Variants in RERE observed in about 807,000 individuals in gnomAD.
RERE encodes the protein arginine-glutamic acid dipeptide repeats.
In RERE, 40 loss-of-function variants were observed where a neutral mutation model predicts 146.1. That is an observed-to-expected ratio of 0.27 (90% confidence interval 0.21 to 0.36). The LOEUF (loss-of-function observed/expected upper bound fraction) is 0.36. Ranked by LOEUF, RERE falls within the 10% of genes least tolerant of loss-of-function variation. RERE has a pLI of 1.00. For synonymous variants in RERE, 1,003 were observed against 866.0 expected (o/e 1.16, Z -2.78); for missense variants, 1,933 against 2,138.7 (o/e 0.90, Z 1.90).
chr1:8,617,393 A>G (rs1443939178), intron 3 of RERE, among the ~76,000 whole-genome samples: 1 of 151,412 alleles, frequency 6.6e-6, no homozygotes, highest in Non-Finnish European at 1.5e-5. Context: ...TAAAGAATTA[A>G]ACAAAATTAG....
At chr1:8,529,481 T>TA (rs1645613848) in intron 7 of RERE, among the ~76,000 whole-genome samples, 1 of 123,622 alleles carries the variant, frequency 8.1e-6, no homozygotes. Context: ...TTTTTTTTTT[T>TA]AGCAGAGACA....
intron 7 of RERE, among the ~76,000 whole-genome samples, chr1:8,523,774 G>A (rs1027190930): frequency 1.6e-4 from 24 of 152,132 alleles, no homozygotes; most frequent in African/African-American, 5.3e-4. Context: ...AATAGATGGC[G>A]GCATCCAAGC....
rs1283199846 is a variant in RERE, at chr1:8,361,074, C to G, written c.2433G>C (p.Pro811=). Reference sequence around the variant, plus strand: ...GATGCGGCGGGGGATGCGGTGAGGGCGGCCGCTGGGGGTGCAAGGCCGGTG... The same window carrying G: ...GATGCGGCGGGGGATGCGGTGAGGGGGGCCGCTGGGGGTGCAAGGCCGGTG... The part of the protein sequence containing the change: ...QQAPALHPQR[P]PSPHPPPHPS... Residue 811 remains proline (P), a synonymous_variant, in exon 18 of 23, where the codon CCG becomes CCC. Transcript: ENST00000400908. 13 of 1,436,548 alleles carry G rather than the reference C, an allele frequency of 9.0e-6. No individual in the cohort carries two copies. Among genetic ancestry groups the G allele is most frequent in the East Asian group, 2.5e-5 (1 of 39,426 alleles). 89.0% of individuals were successfully genotyped at this position (1,436,548 alleles called of 1,614,324 possible). A position where few individuals can be genotyped will look rare whatever the true frequency, so the allele number is the denominator to read the frequency against.
intron 2 of RERE, among the ~76,000 whole-genome samples, chr1:8,641,881 G>C (rs1401473020): frequency 1.3e-5 from 2 of 152,086 alleles, no homozygotes; most frequent in Non-Finnish European, 2.9e-5. Context: ...TTTGATAATG[G>C]AGACTTAGCA....
At chr1:8,407,943 A>C (rs1024806152) in intron 12 of RERE, among the ~76,000 whole-genome samples, 2 of 152,250 alleles carry the variant, frequency 1.3e-5, no homozygotes, top group African/African-American at 4.8e-5. Context: ...CAAAATCTCA[A>C]GACAAGTTGT....
intron 3 of RERE, 38 bp from the exon 4 acceptor site, chr1:8,614,724 G>GC: frequency 1.9e-6 from 3 of 1,569,686 alleles, no homozygotes; most frequent in South Asian, 1.2e-5. Flanking sequence ...CGTGCCCAAC[G>GC]CCCCATCATG....
intron 1 of RERE, among the ~76,000 whole-genome samples, chr1:8,801,043 G>A (rs1486602903): frequency 1.3e-5 from 2 of 152,134 alleles, no homozygotes; most frequent in Admixed American, 6.5e-5. Context: ...TGGAGTGCTT[G>A]AGTCCAGGAG....
intron 12 of RERE, among the ~76,000 whole-genome samples, chr1:8,412,308 T>C (rs918623130): frequency 4.6e-5 from 7 of 152,250 alleles, no homozygotes; most frequent in Admixed American, 1.3e-4. Flanking sequence ...GGTTCACTCA[T>C]ACAGCAAAGA....
chr1:8,783,238 G>C (rs1271506608), intron 1 of RERE, among the ~76,000 whole-genome samples: 1 of 152,062 alleles, frequency 6.6e-6, no homozygotes, highest in South Asian at 2.1e-4. Context: ...GGGAGGCTGA[G>C]GTAGAAGGAT....
At chr1:8,615,425 C>T (rs1415674926) in intron 3 of RERE, among the ~76,000 whole-genome samples, 3 of 152,000 alleles carry the variant, frequency 2.0e-5, no homozygotes, top group African/African-American at 7.2e-5. Flanking sequence ...CATTTAAAAA[C>T]CAGGAAAAAA....
At chr1:8,616,045 T>C (rs1412964863) in intron 3 of RERE, among the ~76,000 whole-genome samples, 2 of 152,086 alleles carry the variant, frequency 1.3e-5, no homozygotes, top group South Asian at 2.1e-4. Flanking sequence ...AACTCCAAAT[T>C]AAAGATTCAA....
intron 1 of RERE, among the ~76,000 whole-genome samples, chr1:8,717,897 T>C (rs540579496): frequency 3.3e-5 from 5 of 152,312 alleles, no homozygotes; most frequent in Admixed American, 2.0e-4. Flanking sequence ...CAAGTGGTGA[T>C]TGAAGAGTCA....
intron 7 of RERE, among the ~76,000 whole-genome samples, chr1:8,535,490 G>A (rs1331469793): frequency 6.6e-6 from 1 of 152,176 alleles, no homozygotes; most frequent in East Asian, 1.9e-4. Context: ...GCTTCAGGGT[G>A]ACAACATACT....
intron 1 of RERE, among the ~76,000 whole-genome samples, chr1:8,705,739 T>C (rs1639544862): frequency 6.6e-6 from 1 of 152,210 alleles, no homozygotes; most frequent in Admixed American, 6.5e-5. Context: ...TCAACAACAC[T>C]GCTTTACTCA....
intron 11 of RERE, among the ~76,000 whole-genome samples, chr1:8,437,284 T>C (rs1354735711): frequency 3.9e-5 from 6 of 152,206 alleles, no homozygotes; most frequent in Non-Finnish European, 5.9e-5. Flanking sequence ...CTCATTTGAC[T>C]CGGTTCATTT....
intron 12 of RERE, among the ~76,000 whole-genome samples, chr1:8,403,133 G>A (rs1050867517): frequency 2.0e-5 from 3 of 151,904 alleles, no homozygotes; most frequent in African/African-American, 7.3e-5. Context: ...TCCTGACCCC[G>A]TGATCTGCCC....
intron 12 of RERE, among the ~76,000 whole-genome samples, chr1:8,388,822 T>G (rs1256230693): frequency 1.3e-5 from 2 of 152,248 alleles, no homozygotes; most frequent in Non-Finnish European, 2.9e-5. Context: ...GATATGCAAG[T>G]GCTTCCTTGC....
chr1:8,597,601 A>T (rs1646570511), intron 4 of RERE, among the ~76,000 whole-genome samples: 1 of 151,928 alleles, frequency 6.6e-6, no homozygotes, highest in Non-Finnish European at 1.5e-5. Flanking sequence ...CGTGCTAAGA[A>T]CCCCCTGTCC....
intron 7 of RERE, among the ~76,000 whole-genome samples, chr1:8,515,756 G>A (rs543816778): frequency 2.6e-5 from 4 of 152,118 alleles, no homozygotes; most frequent in African/African-American, 9.6e-5. Context: ...CATCAACTTC[G>A]GAAGAAAAAT....
Sources: gnomAD v4.1 joint callset for allele counts (sites outside exome capture counted in the v4.1 genomes callset) on GRCh38, gnomAD v4.1.1 for gene constraint, MANE v1.5 for transcripts, NCBI Gene and HGNC (gene_info 2026-07-23, HGNC 2026-07-21) for gene names.